The following KCNK2 variants were observed in gnomAD, a reference collection of about 807,000 sequenced individuals.
KCNK2 encodes the protein potassium two pore domain channel subfamily K member 2, also known as potassium channel subfamily K member 2.
In KCNK2, 21 loss-of-function variants were observed where a neutral mutation model predicts 40.5. The observed-to-expected ratio is 0.52, with a 90% CI of 0.37 to 0.75. The LOEUF is 0.75. KCNK2 is among the 30% of genes least tolerant of loss of function. The pLI is 0.00. For synonymous variants in KCNK2, 191 were observed against 202.2 expected (o/e 0.94, Z 0.47); for missense variants, 399 against 531.6 (o/e 0.75, Z 2.45).
At chr1:215,031,269 G>A (rs1385729570) in intron 1 of KCNK2, among the ~76,000 whole-genome samples, 1 of 152,124 alleles carries the variant, frequency 6.6e-6, no homozygotes, top group Non-Finnish European at 1.5e-5. Flanking sequence ...ATAGCCACTG[G>A]GATTTTGGTC....
chr1:215,022,392 C>T (rs1271720901), intron 1 of KCNK2, among the ~76,000 whole-genome samples: 1 of 152,082 alleles, frequency 6.6e-6, no homozygotes, highest in Admixed American at 6.6e-5. Flanking sequence ...CCATGTCTTC[C>T]TTGCCCTTTG....
At chr1:215,229,728 G>T (rs1206323454) in intron 6 of KCNK2, among the ~76,000 whole-genome samples, 1 of 151,910 alleles carries the variant, frequency 6.6e-6, no homozygotes, top group African/African-American at 2.4e-5. Flanking sequence ...ACTATTATTG[G>T]TGGTTTAGAT....
chr1:215,219,169 A>C (rs552414225), intron 6 of KCNK2, among the ~76,000 whole-genome samples: 1 of 152,260 alleles, frequency 6.6e-6, no homozygotes, highest in South Asian at 2.1e-4. Context: ...TACCAACTAG[A>C]CATTTGTGTC....
chr1:215,152,920 A>C (rs550580396), intron 3 of KCNK2, among the ~76,000 whole-genome samples: 5 of 152,168 alleles, frequency 3.3e-5, no homozygotes, highest in African/African-American at 1.2e-4. Flanking sequence ...TGCTTTTATC[A>C]TTACTATTGT....
At chr1:215,137,661 T>C (rs1421087283) in intron 3 of KCNK2, among the ~76,000 whole-genome samples, 1 of 152,238 alleles carries the variant, frequency 6.6e-6, no homozygotes, top group Non-Finnish European at 1.5e-5. Flanking sequence ...ATTTACTTCC[T>C]TCAGGTGAAT....
chr1:215,125,414 C>T (rs958536675), intron 3 of KCNK2, among the ~76,000 whole-genome samples: 1 of 152,058 alleles, frequency 6.6e-6, no homozygotes, highest in Non-Finnish European at 1.5e-5. Context: ...ATATGTTTGA[C>T]ATCTTCTAAA....
chr1:215,056,667 A>G (rs1197226215), intron 1 of KCNK2, among the ~76,000 whole-genome samples: 1 of 128,478 alleles, frequency 7.8e-6, no homozygotes, highest in Non-Finnish European at 1.6e-5. Context: ...TGTTGCCCAG[A>G]CTGGTTTTGC....
At chr1:215,096,295 A>G (rs566701674) in intron 2 of KCNK2, among the ~76,000 whole-genome samples, 1 of 151,874 alleles carries the variant, frequency 6.6e-6, no homozygotes, top group South Asian at 2.1e-4. Context: ...CCATTTTTCA[A>G]TTACCATTGT....
intron 1 of KCNK2, among the ~76,000 whole-genome samples, chr1:215,052,360 A>T (rs1658022191): frequency 1.3e-5 from 2 of 152,204 alleles, no homozygotes; most frequent in Non-Finnish European, 2.9e-5. Flanking sequence ...CAGAGGATGG[A>T]CTGATGGAAT....
chr1:215,038,404 C>A (rs1215676089), intron 1 of KCNK2, among the ~76,000 whole-genome samples: 2 of 152,080 alleles, frequency 1.3e-5, no homozygotes, highest in African/African-American at 2.4e-5. Context: ...AGATAGAGAA[C>A]TGTGGTAAGA....
chr1:215,077,217 C>G (rs1658975523), intron 1 of KCNK2, among the ~76,000 whole-genome samples: 1 of 152,190 alleles, frequency 6.6e-6, no homozygotes, highest in South Asian at 2.1e-4. Context: ...ATATAAAACA[C>G]AACAGGTATG....
chr1:215,208,985 G>C (rs1353256384), intron 6 of KCNK2, among the ~76,000 whole-genome samples: 1 of 151,268 alleles, frequency 6.6e-6, no homozygotes, highest in Admixed American at 6.6e-5. Flanking sequence ...CTGCCACCAC[G>C]CCCAGCTAAT....
At chr1:215,233,763 G>T (rs921543282) in intron 6 of KCNK2, among the ~76,000 whole-genome samples, 1 of 152,126 alleles carries the variant, frequency 6.6e-6, no homozygotes, top group Non-Finnish European at 1.5e-5. Flanking sequence ...GAAAATGGAG[G>T]AGTTGTTCCA....
chr1:215,092,473 T>C (rs1659731103), intron 2 of KCNK2, among the ~76,000 whole-genome samples: 1 of 151,948 alleles, frequency 6.6e-6, no homozygotes, highest in African/African-American at 2.4e-5. Context: ...TGCAGGAAAA[T>C]GATAGACATA....
At chr1:215,197,330 G>A (rs184277392) in intron 6 of KCNK2, among the ~76,000 whole-genome samples, 192 of 152,276 alleles carry the variant, frequency 1.3e-3, no homozygotes, top group Middle Eastern at 3.4e-3. Flanking sequence ...CACAATTCTG[G>A]AAGCTAGAAG....
intron 1 of KCNK2, among the ~76,000 whole-genome samples, chr1:215,022,130 A>ATCTATCTATCTATCTATCTATCTAG (rs1558059696): frequency 1.4e-3 from 24 of 17,284 alleles, no homozygotes; most frequent in Admixed American, 5.2e-3. Context: ...TATCTATCTA[A>ATCTATCTATCTATCTATCTATCTAG]TCATCTATCT....
intron 2 of KCNK2, among the ~76,000 whole-genome samples, chr1:215,100,832 T>C (rs1660176444): frequency 6.6e-6 from 1 of 152,044 alleles, no homozygotes; most frequent in Non-Finnish European, 1.5e-5. Flanking sequence ...TTACATGTAA[T>C]TATTGCTCAA....
rs554280704 is a variant in KCNK2, at chr1:215,145,618, A to G, written c.475+20868A>G. On this transcript the variant is annotated intron_variant, in intron 3 of 6. Transcript: ENST00000444842. ...GACAATTTGATGACAGAGGAATTAT[A>G]TAGTTCTATCAGTTTACTGCTATAG... Among the ~76,000 whole-genome samples, 3 of 152,336 alleles carry G rather than the reference A, an allele frequency of 2.0e-5. No homozygotes were observed. The East Asian group carries it at 5.8e-4, about 29-fold the overall frequency.
chr1:215,129,140 A>G (rs1303503804), intron 3 of KCNK2, among the ~76,000 whole-genome samples: 3 of 152,216 alleles, frequency 2.0e-5, no homozygotes. Context: ...GACTAATAGA[A>G]TGAAGAGACA....
Sources: gnomAD v4.1 joint callset for allele counts (sites outside exome capture counted in the v4.1 genomes callset) on GRCh38, gnomAD v4.1.1 for gene constraint, MANE v1.5 for transcripts, NCBI Gene and HGNC (gene_info 2026-07-23, HGNC 2026-07-21) for gene names.